Variants in DIP2B observed in about 807,000 individuals in gnomAD.
DIP2B encodes the protein disco-interacting protein 2 homolog B.
In DIP2B, 76 loss-of-function variants were observed where a neutral mutation model predicts 198.0. The observed-to-expected ratio is 0.38, with a 90% CI of 0.32 to 0.46. The LOEUF is 0.46. Among genes scored for constraint, DIP2B ranks in the 20% least tolerant of loss-of-function variants. The probability of loss-of-function intolerance (pLI) is 0.99; values close to 1 mark genes in which losing one functional copy is unlikely to be tolerated. For synonymous variants in DIP2B, 701 were observed against 739.1 expected, an observed-to-expected ratio of 0.95 and a Z score of 0.84; for missense variants, 1,559 against 1,978.4, an observed-to-expected ratio of 0.79 and a Z score of 4.02.
At chr12:50,734,497 G>A (rs1469345275) in intron 33 of DIP2B, among the ~76,000 whole-genome samples, 1 of 152,186 alleles carries the variant, frequency 6.6e-6, no homozygotes, top group Non-Finnish European at 1.5e-5. Flanking sequence ...TCCTCTAAGA[G>A]TTTAAAAATA....
At chr12:50,653,350 T>C (rs1160042887) in intron 3 of DIP2B, among the ~76,000 whole-genome samples, 5 of 143,966 alleles carry the variant, frequency 3.5e-5, no homozygotes, top group South Asian at 4.4e-4. Flanking sequence ...TCTTTTCTTT[T>C]TTTTTTTTTT....
chr12:50,724,941 G>T, intron 28 of DIP2B, 55 bp downstream of exon 28: 1 of 1,538,908 alleles, frequency 6.5e-7, no homozygotes, highest in South Asian at 1.1e-5. Context: ...CAATACCTGA[G>T]ATCTCCTCCA....
rs1228053006 is a variant in DIP2B at position 50,610,565 on chromosome 12, G to A, written c.101-15411G>A. ...TGTACATCCAGGCTAGAGTGCAGTG[G>A]CGCCATCTCGGCTCACTGCAAGCTC... is the stretch of plus-strand genomic sequence containing the variant. On this transcript the variant is annotated intron_variant, in intron 1 of 37. Coordinates refer to ENST00000301180, the MANE Select transcript of DIP2B (RefSeq NM_173602.3). 3.9e-5 allele frequency among the ~76,000 whole-genome samples: 6 copies of A among 151,924 alleles called. No individual in the cohort carries two copies. The East Asian group carries it at 1.2e-3, about 29-fold the overall frequency.
At chr12:50,540,838 G>T (rs2139374527) in intron 1 of DIP2B, among the ~76,000 whole-genome samples, 1 of 151,990 alleles carries the variant, frequency 6.6e-6, no homozygotes, top group Middle Eastern at 3.5e-3. Flanking sequence ...CGCCCAGCCA[G>T]CTATGAACAT....
intron 1 of DIP2B, among the ~76,000 whole-genome samples, chr12:50,551,667 C>T (rs1457143405): frequency 6.6e-6 from 1 of 152,286 alleles, no homozygotes; most frequent in South Asian, 2.1e-4. Flanking sequence ...TGGTCTTGAA[C>T]TCCTGAGCTC....
chr12:50,645,181 G>C (rs1024658886), intron 3 of DIP2B, among the ~76,000 whole-genome samples: 26 of 152,142 alleles, frequency 1.7e-4, no homozygotes, highest in African/African-American at 6.0e-4. Context: ...CTAAAAATAA[G>C]TTGGTAATGT....
intron 7 of DIP2B, among the ~76,000 whole-genome samples, chr12:50,677,603 A>G (rs940389320): frequency 2.6e-5 from 4 of 152,180 alleles, no homozygotes; most frequent in Non-Finnish European, 5.9e-5. Context: ...CAACAGAGCA[A>G]GACTCTGTCG....
At chr12:50,543,439 G>A (rs1249453831) in intron 1 of DIP2B, among the ~76,000 whole-genome samples, 4 of 151,780 alleles carry the variant, frequency 2.6e-5, no homozygotes, top group Non-Finnish European at 4.4e-5. Context: ...ACAGCCACCC[G>A]CCATCACGCC....
At chr12:50,740,970 C>G (rs1366963572) in intron 36 of DIP2B, among the ~76,000 whole-genome samples, 1 of 152,146 alleles carries the variant, frequency 6.6e-6, no homozygotes, top group African/African-American at 2.4e-5. Context: ...GTCCTCTGCC[C>G]CTCCGAACCT....
chr12:50,716,958 CT>C (rs4026694), intron 23 of DIP2B, among the ~76,000 whole-genome samples: 32 of 58,932 alleles, frequency 5.4e-4, no homozygotes, highest in African/African-American at 1.2e-3. Flanking sequence ...CGAATTGTTG[CT>C]TTTTTTTTTT....
Position 50,727,939 on chromosome 12 carries a change from G to T in DIP2B, c.3510+127G>T, listed in dbSNP as rs1196532594. The T allele has an allele frequency of 5.6e-6, 4 of 708,808 alleles. No homozygotes were observed. The East Asian group carries it at 7.9e-5, about 14-fold the overall frequency. 43.9% of individuals were successfully genotyped at this position (708,808 alleles called of 1,614,324 possible). A position where few individuals can be genotyped will look rare whatever the true frequency, so the allele number is the denominator to read the frequency against. ...GGTAGGCAGAGTGAAGATCTAAGTC[G>T]CTGCTCTATTTAAATAAAGGCATTG... On this transcript the variant is annotated intron_variant, in intron 29 of 37. Coordinates refer to ENST00000301180, the MANE Select transcript of DIP2B (RefSeq NM_173602.3).
intron 1 of DIP2B, among the ~76,000 whole-genome samples, chr12:50,542,813 A>T (rs1329987078): frequency 2.0e-5 from 3 of 152,196 alleles, no homozygotes; most frequent in Non-Finnish European, 2.9e-5. Flanking sequence ...ACAATAACTA[A>T]AACAAATTTC....
chr12:50,514,450 T>A (rs1958046248), intron 1 of DIP2B, among the ~76,000 whole-genome samples: 1 of 152,180 alleles, frequency 6.6e-6, no homozygotes, highest in African/African-American at 2.4e-5. Context: ...GACTCATCTG[T>A]ATCAGTTCCA....
chr12:50,603,977 A>C (rs1271721988), intron 1 of DIP2B, among the ~76,000 whole-genome samples: 2 of 152,086 alleles, frequency 1.3e-5, no homozygotes, highest in Non-Finnish European at 2.9e-5. Context: ...GAATTAGAAG[A>C]ACACTTTGGG....
chr12:50,526,941 T>C (rs925005726), intron 1 of DIP2B, among the ~76,000 whole-genome samples: 3 of 152,184 alleles, frequency 2.0e-5, no homozygotes, highest in African/African-American at 7.2e-5. Flanking sequence ...CGGCCTTTTT[T>C]CCTCTGTCTT....
At chr12:50,644,224 C>A (rs1938310576) in intron 3 of DIP2B, among the ~76,000 whole-genome samples, 1 of 152,102 alleles carries the variant, frequency 6.6e-6, no homozygotes, top group South Asian at 2.1e-4. Flanking sequence ...TAGTATATTT[C>A]TTTTTCCTGC....
chr12:50,693,126 G>A, intron 14 of DIP2B, 113 bp downstream of exon 14: 4 of 1,038,128 alleles, frequency 3.9e-6, no homozygotes, highest in Non-Finnish European at 5.6e-6. Context: ...TCCCCAAAAG[G>A]TCAGTAATAT....
chr12:50,558,148 G>T (rs554333584), intron 1 of DIP2B, among the ~76,000 whole-genome samples: 1 of 152,168 alleles, frequency 6.6e-6, no homozygotes, highest in Non-Finnish European at 1.5e-5. Flanking sequence ...TGGGAGGATC[G>T]CTTGAACCCA....
At chr12:50,588,593 G>A (rs1184847760) in intron 1 of DIP2B, among the ~76,000 whole-genome samples, 6 of 152,166 alleles carry the variant, frequency 3.9e-5, no homozygotes, top group African/African-American at 1.4e-4. Flanking sequence ...CTGTCTGAAT[G>A]AGATACCTTT....
Sources: allele counts gnomAD v4.1 joint callset (sites outside exome capture counted in the v4.1 genomes callset), GRCh38; gene constraint gnomAD v4.1.1; transcripts MANE v1.5; gene names NCBI Gene and HGNC (gene_info 2026-07-23, HGNC 2026-07-21).